Variants in MCTP2 observed in about 807,000 individuals in gnomAD.
MCTP2 encodes multiple C2 and transmembrane domain-containing protein 2.
Under a neutral mutation model 111.6 loss-of-function variants are expected in MCTP2, and 132 were observed. That is an observed-to-expected ratio of 1.18 (90% CI 1.03 to 1.37). The LOEUF is 1.37. MCTP2 is among the 40% of genes most tolerant of loss of function. The pLI is 0.00. For missense variants in MCTP2, 1,183 were observed against 1,067.9 expected (o/e 1.11, Z -1.50); for synonymous variants, 395 against 387.7 (o/e 1.02, Z -0.22).
rs2074831510 is a variant in MCTP2, at chr15:94,483,562, G to T, written c.*4528G>T. 1 of 152,296 alleles carries T rather than the reference G, an allele frequency of 6.6e-6. No homozygotes were observed. Among genetic ancestry groups the T allele is most frequent in the African/African-American group, 2.4e-5 (1 of 41,566 alleles). The allele number at this position is 152,296 out of a possible 1,614,324, so 9.4% of individuals were successfully genotyped here. The stretch of plus-strand genomic sequence containing the variant: ...GATCATGTCCTTTTGCAGGAACTTG[G>T]ATACAGCTGGAGGCCATTATCCTTA... On this transcript the variant is annotated 3_prime_UTR_variant, in exon 23 of 23. Transcript: ENST00000357742.
intron 1 of MCTP2, among the ~76,000 whole-genome samples, chr15:94,279,983 T>C (rs2152311699): frequency 6.6e-6 from 1 of 152,302 alleles, no homozygotes; most frequent in Admixed American, 6.5e-5. Context: ...CTTTTTGATG[T>C]GCTGCTGGAT....
chr15:94,276,068 T>A lies in MCTP2; in HGVS notation c.-65-22133T>A, dbSNP rs534626706. ...ACCGTGTTAGCCAGGATGGTCTTGA[T>A]CTCCTGACCTTGTGATCCGCCCGCC... On this transcript the variant is annotated intron_variant, in intron 1 of 22. Coordinates refer to ENST00000357742, the MANE Select transcript of MCTP2 (RefSeq NM_001385001.1). Among the ~76,000 whole-genome samples the A allele has an allele frequency of 1.9e-3, 287 of 152,052 alleles. 1 individual carries two copies. The highest frequency in any genetic ancestry group is 3.3e-3 in the Non-Finnish European group (226 of 67,952).
At chr15:94,462,317 C>T (rs772795281) in intron 20 of MCTP2, among the ~76,000 whole-genome samples, 36 of 152,132 alleles carry the variant, frequency 2.4e-4, no homozygotes, top group Non-Finnish European at 3.7e-4. Context: ...TGAGTTTTTT[C>T]ATTAATGGCG....
At chr15:94,330,652 C>A (rs1194435875) in intron 4 of MCTP2, among the ~76,000 whole-genome samples, 1 of 152,086 alleles carries the variant, frequency 6.6e-6, no homozygotes, top group Non-Finnish European at 1.5e-5. Flanking sequence ...GTTACAGGGA[C>A]AACCATGTAT....
rs1235879379 is a variant in MCTP2, at chr15:94,245,804, A to G, written c.-66+14140A>G. 6.6e-5 allele frequency among the ~76,000 whole-genome samples: 10 copies of G among 151,382 alleles called. No homozygotes were observed. The East Asian group carries it at 1.6e-3, about 24-fold the overall frequency. ...ACCTAGTCAATGGCTTCATTGGAGC[A>G]CATACCTACATTTCTGATTGCTCCC... On this transcript the variant is annotated intron_variant, in intron 1 of 22. Transcript: ENST00000357742.
At chr15:94,243,898 T>C (rs889565416) in intron 1 of MCTP2, among the ~76,000 whole-genome samples, 4 of 143,102 alleles carry the variant, frequency 2.8e-5, no homozygotes, top group African/African-American at 1.0e-4. Flanking sequence ...CATATATGTA[T>C]ACACATACAT....
Position 94,467,191 on chromosome 15 carries a change from A to G in MCTP2, c.2361-3142A>G, listed in dbSNP as rs529133040. 8.5e-5 allele frequency among the ~76,000 whole-genome samples: 13 copies of G among 152,348 alleles called. No homozygotes were observed. The South Asian group carries it at 2.1e-3, about 24-fold the overall frequency. ...GTGGTGGGGTAAATTACGTAAGGCC[A>G]TAGAGCTAACAAAAGTTGCACAGGA... On this transcript the variant is annotated intron_variant, in intron 20 of 22. Transcript: ENST00000357742.
At chr15:94,297,588 G>A (rs1457669555) in intron 1 of MCTP2, among the ~76,000 whole-genome samples, 1 of 152,114 alleles carries the variant, frequency 6.6e-6, no homozygotes, top group Non-Finnish European at 1.5e-5. Flanking sequence ...TGGGAAGGAA[G>A]TTGACATGGT....
Position 94,479,044 on chromosome 15 carries a change from C to T in MCTP2, c.*10C>T, listed in dbSNP as rs1167836374. 21 of 1,613,532 alleles carry T rather than the reference C, an allele frequency of 1.3e-5. No homozygotes were observed. Among genetic ancestry groups the T allele is most frequent in the Admixed American group, 1.2e-4 (7 of 59,988 alleles). ...GCGCAGCGCTCTCTAGGGCACACAC[C>T]GACTTTGGACAGCAGCACCCAATAT... On this transcript the variant is annotated 3_prime_UTR_variant, in exon 23 of 23. Coordinates refer to ENST00000357742, the MANE Select transcript of MCTP2 (RefSeq NM_001385001.1).
At chr15:94,239,144 A>G (rs1042374624) in intron 1 of MCTP2, among the ~76,000 whole-genome samples, 3 of 152,216 alleles carry the variant, frequency 2.0e-5, no homozygotes, top group Non-Finnish European at 2.9e-5. Context: ...TACTTTTAGC[A>G]TTATGAAGCA....
At chr15:94,340,047 G>T (rs1596403194) in intron 5 of MCTP2, 152 bp from the exon 6 acceptor site, 1 of 612,672 alleles carries the variant, frequency 1.6e-6, no homozygotes, top group South Asian at 2.1e-5. Context: ...GCATTGGCTT[G>T]ACTAAATTTC....
intron 7 of MCTP2, among the ~76,000 whole-genome samples, chr15:94,344,719 A>G (rs1596416608): frequency 6.6e-6 from 1 of 152,220 alleles, no homozygotes; most frequent in Admixed American, 6.5e-5. Context: ...ATCTAAAACT[A>G]TGGAAACCTA....
Position 94,476,733 on chromosome 15 carries a change from T to C in MCTP2, c.2508T>C (p.Tyr836=), listed in dbSNP as rs755013751. 5.0e-6 allele frequency: 8 copies of C among 1,608,242 alleles called. No homozygotes were observed. The highest frequency in any genetic ancestry group is 6.8e-6 in the Non-Finnish European group (8 of 1,174,878). ...TTACTAAGAAGCTTCGAAATCCCTA[T>C]TCCATCGACAATAATGAGCTACTAG... ...NKFTKKLRNP[Y]SIDNNELLDF... Residue 836 remains tyrosine, a synonymous_variant, in exon 22 of 23, where the codon TAT becomes TAC. Coordinates refer to ENST00000357742, the MANE Select transcript of MCTP2 (RefSeq NM_001385001.1).
At chr15:94,388,375 G>A (rs114536370) in intron 14 of MCTP2, among the ~76,000 whole-genome samples, 11 of 152,200 alleles carry the variant, frequency 7.2e-5, no homozygotes, top group African/African-American at 2.6e-4. Flanking sequence ...TGATAAATTG[G>A]GGAAGTGATC....
At chr15:94,379,746 A>T (rs1386345098) in intron 12 of MCTP2, among the ~76,000 whole-genome samples, 1 of 146,670 alleles carries the variant, frequency 6.8e-6, no homozygotes, top group African/African-American at 2.5e-5. Flanking sequence ...ATAATATATG[A>T]TATATAATAT....
chr15:94,458,262 G>A lies in MCTP2; in HGVS notation c.2360+16G>A. ...GGATTAAGAAGTAAGTTCTAAATTT[G>A]TGTTGTGGTGTTTGCAGTAGACCTG... On this transcript the variant is annotated intron_variant, in intron 20 of 22. Transcript: ENST00000357742. 6.7e-7 allele frequency: 1 copy of A among 1,496,550 alleles called. No homozygotes were observed. Among genetic ancestry groups the A allele is most frequent in the African/African-American group, 1.4e-5 (1 of 72,606 alleles). The allele number at this position is 1,496,550 out of a possible 1,614,324, so 92.7% of individuals were successfully genotyped here.
chr15:94,467,351 T>C (rs2073444733), intron 20 of MCTP2, among the ~76,000 whole-genome samples: 1 of 152,118 alleles, frequency 6.6e-6, no homozygotes, highest in African/African-American at 2.4e-5. Flanking sequence ...TAAAAAAAAT[T>C]TGAAAGGGGG....
At chr15:94,411,253 A>G (rs1041417999) in intron 17 of MCTP2, among the ~76,000 whole-genome samples, 4 of 151,070 alleles carry the variant, frequency 2.6e-5, no homozygotes, top group East Asian at 1.9e-4. Flanking sequence ...GAACATGCTC[A>G]GCACTTAGAT....
chr15:94,242,294 G>C (rs965658131), intron 1 of MCTP2, among the ~76,000 whole-genome samples: 2 of 152,134 alleles, frequency 1.3e-5, no homozygotes, highest in Non-Finnish European at 2.9e-5. Context: ...AAATGGAGAT[G>C]AAAATACTTT....
Sources: allele counts gnomAD v4.1 joint callset (sites outside exome capture counted in the v4.1 genomes callset), GRCh38; gene constraint gnomAD v4.1.1; transcripts MANE v1.5; gene names NCBI Gene and HGNC (gene_info 2026-07-23, HGNC 2026-07-21).